The following EPB41L3 variants were observed in gnomAD, a reference collection of about 807,000 sequenced individuals.
EPB41L3 encodes erythrocyte membrane protein band 4.1 like 3.
A neutral mutation model predicts 127.1 loss-of-function variants in EPB41L3; 57 were observed. That is an observed-to-expected ratio of 0.45 (90% confidence interval 0.36 to 0.56). The LOEUF (loss-of-function observed/expected upper bound fraction) is 0.56. EPB41L3 is among the 20% of genes least tolerant of loss of function. The pLI is 0.00. For synonymous variants in EPB41L3, 572 were observed against 549.5 expected (o/e 1.04, Z -0.57); for missense variants, 1,273 against 1,372.2 (o/e 0.93, Z 1.14).
intron 11 of EPB41L3, among the ~76,000 whole-genome samples, chr18:5,422,245 A>G (rs2077567756): frequency 6.6e-6 from 1 of 152,140 alleles, no homozygotes; most frequent in Admixed American, 6.5e-5. Context: ...AGTAACATAC[A>G]TAATATAGCA....
chr18:5,416,475 A>C (rs528974171), intron 12 of EPB41L3, 97 bp from the exon 13 acceptor site: 2 of 1,329,494 alleles, frequency 1.5e-6, no homozygotes, highest in South Asian at 1.6e-5. Flanking sequence ...TATGGGTATC[A>C]ATATAAAATT....
chr18:5,491,816 CT>C (rs1055461153), intron 1 of EPB41L3, among the ~76,000 whole-genome samples: 3 of 152,140 alleles, frequency 2.0e-5, no homozygotes, highest in Non-Finnish European at 2.9e-5. Context: ...AAATGTACGT[CT>C]TTTTTAATGC....
In EPB41L3 at chr18:5,478,337, T is replaced by C. The variant is rs183237730; in HGVS notation, c.285A>G (p.Lys95=). Residue 95 remains lysine, a synonymous_variant, in exon 3 of 23, where the codon AAA becomes AAG. Coordinates refer to ENST00000341928, the MANE Select transcript of EPB41L3 (RefSeq NM_012307.5). ...CAATCTTTAATGGAGACCGAGAGAG[T>C]TTACTGCTAGATGATTTCTGAGAAA... ...DKLSQKSSSS[K]LSRSPLKIVK... is the part of the protein sequence containing the mutation. 8 of 1,613,992 alleles carry C rather than the reference T, an allele frequency of 5.0e-6. No homozygotes were observed. The East Asian group carries it at 1.8e-4, about 36-fold the overall frequency.
chr18:5,407,019 C>T, intron 15 of EPB41L3, 51 bp from the exon 16 acceptor site: 1 of 1,533,546 alleles, frequency 6.5e-7, no homozygotes, highest in Non-Finnish European at 9.0e-7. Flanking sequence ...CATTTGTGTT[C>T]CTTTCAGCTC....
At chr18:5,477,746 A>C (rs982054327) in intron 3 of EPB41L3, among the ~76,000 whole-genome samples, 7 of 152,142 alleles carry the variant, frequency 4.6e-5, no homozygotes, top group African/African-American at 1.7e-4. Context: ...TTTTACACCG[A>C]AACTACAATG....
chr18:5,595,121 T>C (rs1445535495), intron 3 of EPB41L3, among the ~76,000 whole-genome samples: 3 of 152,164 alleles, frequency 2.0e-5, no homozygotes, highest in African/African-American at 7.2e-5. Context: ...CATTGACTTC[T>C]GGGCAAATGG....
chr18:5,460,762 C>T (rs569865704), intron 3 of EPB41L3, among the ~76,000 whole-genome samples: 1 of 152,278 alleles, frequency 6.6e-6, no homozygotes, highest in South Asian at 2.1e-4. Context: ...GTGGCATGGA[C>T]ACCGGGTTGA....
At chr18:5,600,282 C>T (rs182086752) in intron 3 of EPB41L3, among the ~76,000 whole-genome samples, 2 of 152,202 alleles carry the variant, frequency 1.3e-5, no homozygotes, top group East Asian at 3.9e-4. Context: ...GATCTAAATT[C>T]ATTCACCACA....
At chr18:5,464,463 C>T (rs894553290) in intron 3 of EPB41L3, among the ~76,000 whole-genome samples, 4 of 152,116 alleles carry the variant, frequency 2.6e-5, no homozygotes, top group South Asian at 2.1e-4. Context: ...ATCCAGGAAA[C>T]GTGCCTCAAA....
chr18:5,529,928 A>AAGTGTGTG (rs1555788432), intron 1 of EPB41L3, among the ~76,000 whole-genome samples: 3 of 146,772 alleles, frequency 2.0e-5, no homozygotes, highest in Non-Finnish European at 4.5e-5. Flanking sequence ...CAACTCATAT[A>AAGTGTGTG]TGTGTGTGTG....
chr18:5,548,359 A>C (rs560895003), upstream of EPB41L3, among the ~76,000 whole-genome samples: 2 of 152,342 alleles, frequency 1.3e-5, no homozygotes, highest in African/African-American at 4.8e-5. Context: ...ACCCCATTTC[A>C]GGGGTCTGTC....
intron 1 of EPB41L3, among the ~76,000 whole-genome samples, chr18:5,508,949 C>T (rs986772190): frequency 3.9e-5 from 6 of 152,076 alleles, no homozygotes; most frequent in African/African-American, 1.4e-4. Flanking sequence ...CTAATCAATG[C>T]CATCTGCCTG....
intron 1 of EPB41L3, among the ~76,000 whole-genome samples, chr18:5,622,409 G>A (rs771092229): frequency 6.6e-6 from 1 of 152,188 alleles, no homozygotes; most frequent in African/African-American, 2.4e-5. Flanking sequence ...ACAAACTTAG[G>A]TGACTTGTCG....
chr18:5,404,015 A>G (rs2074957222), intron 16 of EPB41L3, among the ~76,000 whole-genome samples: 1 of 152,222 alleles, frequency 6.6e-6, no homozygotes, highest in Non-Finnish European at 1.5e-5. Context: ...ATTTAGAGCA[A>G]AAGAACTTTC....
intron 8 of EPB41L3, among the ~76,000 whole-genome samples, chr18:5,428,825 T>C (rs571747536): frequency 2.0e-5 from 3 of 152,318 alleles, no homozygotes; most frequent in Admixed American, 6.5e-5. Context: ...ATTAACTCTT[T>C]TAATATTCAC....
chr18:5,486,774 A>G (rs374220022), intron 2 of EPB41L3, among the ~76,000 whole-genome samples: 49 of 152,320 alleles, frequency 3.2e-4, no homozygotes, highest in African/African-American at 1.1e-3. Context: ...ACCACAATTG[A>G]GATATCATCT....
chr18:5,549,185 T>G (rs2093928731), upstream of EPB41L3, among the ~76,000 whole-genome samples: 1 of 152,212 alleles, frequency 6.6e-6, no homozygotes, highest in South Asian at 2.1e-4. Context: ...GGAAAAAGCA[T>G]TAGCTTTGTT....
intron 16 of EPB41L3, chr18:5,398,440 G>A (rs1351638892): frequency 1.6e-5 from 7 of 434,728 alleles, no homozygotes; most frequent in African/African-American, 8.1e-5. Flanking sequence ...TGGGAACAGG[G>A]AGCTGGAAAT....
intron 1 of EPB41L3, among the ~76,000 whole-genome samples, chr18:5,626,336 C>G (rs1365894681): frequency 6.6e-6 from 1 of 152,200 alleles, no homozygotes; most frequent in African/African-American, 2.4e-5. Flanking sequence ...TTCATCTCTT[C>G]AGTGATCTGG....
Sources: gnomAD v4.1 joint callset for allele counts (sites outside exome capture counted in the v4.1 genomes callset) on GRCh38, gnomAD v4.1.1 for gene constraint, MANE v1.5 for transcripts, NCBI Gene and HGNC (gene_info 2026-07-23, HGNC 2026-07-21) for gene names.